Variants in CSMD1 observed in about 807,000 individuals in gnomAD.
CSMD1 encodes the protein CUB and Sushi multiple domains 1.
Under a neutral mutation model 417.5 loss-of-function variants are expected in CSMD1, and 213 were observed. That is an observed-to-expected ratio of 0.51 (90% confidence interval 0.46 to 0.57). The LOEUF (loss-of-function observed/expected upper bound fraction) is 0.57, where lower values mean the gene tolerates loss of function less well. CSMD1 is among the 20% of genes least tolerant of loss of function. The pLI is 0.00. For synonymous variants in CSMD1, 2,862 were observed against 1,736.8 expected, an observed-to-expected ratio of 1.65 and a Z score of -16.11; for missense variants, 6,923 against 4,529.7, an observed-to-expected ratio of 1.53 and a Z score of -15.17.
intron 12 of CSMD1, among the ~76,000 whole-genome samples, chr8:3,449,188 C>G (rs1481772014): frequency 6.6e-6 from 1 of 152,124 alleles, no homozygotes; most frequent in Non-Finnish European, 1.5e-5. Flanking sequence ...GGAATCAGTT[C>G]TTAAATTATT....
chr8:4,586,667 G>C (rs1013417461), intron 2 of CSMD1, among the ~76,000 whole-genome samples: 3 of 151,910 alleles, frequency 2.0e-5, no homozygotes, highest in Middle Eastern at 3.4e-3. Context: ...ATCCCTTTTT[G>C]TTTTATTCAC....
intron 1 of CSMD1, among the ~76,000 whole-genome samples, chr8:4,764,643 T>C (rs1023704826): frequency 2.0e-5 from 3 of 151,420 alleles, no homozygotes; most frequent in Non-Finnish European, 4.4e-5. Context: ...GATAATTCTC[T>C]TTGGTGTTCT....
rs183896525 is a variant in CSMD1, at chr8:4,056,343, A to C, written c.416-24244T>G. ...GGTGATCCACCCGCGTCAGCCTCCCAAAGTGCTGGGATTATAGGCATGAGC... is the reference window on the plus strand; with the variant it reads ...GGTGATCCACCCGCGTCAGCCTCCCCAAGTGCTGGGATTATAGGCATGAGC... On this transcript the variant is annotated intron_variant, in intron 3 of 69. Transcript: ENST00000635120. Among the ~76,000 whole-genome samples, 633 of 151,126 alleles carry C rather than the reference A, an allele frequency of 4.2e-3. 5 individuals are homozygous for C. Among genetic ancestry groups the C allele is most frequent in the African/African-American group, 0.015 (602 of 41,222 alleles).
intron 1 of CSMD1, among the ~76,000 whole-genome samples, chr8:4,718,441 G>T (rs1388642326): frequency 6.6e-6 from 1 of 152,008 alleles, no homozygotes; most frequent in African/African-American, 2.4e-5. Context: ...TCTTAAGCAG[G>T]AATGAAATCT....
chr8:3,102,299 T>C, intron 46 of CSMD1, among the ~76,000 whole-genome samples: 1 of 152,200 alleles, frequency 6.6e-6, no homozygotes, highest in Non-Finnish European at 1.5e-5. Flanking sequence ...TATTTCCTGT[T>C]TGTTTTCAAA....
chr8:4,269,325 C>G (rs927401463), intron 3 of CSMD1, among the ~76,000 whole-genome samples: 1 of 152,150 alleles, frequency 6.6e-6, no homozygotes, highest in Admixed American at 6.6e-5. Context: ...TGGCCTCCCC[C>G]AAAGTGCTGG....
chr8:4,312,827 T>C (rs1263626307), intron 3 of CSMD1, among the ~76,000 whole-genome samples: 3 of 152,076 alleles, frequency 2.0e-5, no homozygotes, highest in African/African-American at 7.2e-5. Context: ...TTAGCTGAGA[T>C]CGCGCCAGGC....
chr8:4,914,523 A>G (rs1805921463), intron 1 of CSMD1, among the ~76,000 whole-genome samples: 1 of 149,940 alleles, frequency 6.7e-6, no homozygotes, highest in Admixed American at 6.7e-5. Context: ...GTTTGCAGTG[A>G]GCTGAGATCG....
At chr8:3,171,426 A>C (rs754306387) in intron 37 of CSMD1, among the ~76,000 whole-genome samples, 1 of 152,158 alleles carries the variant, frequency 6.6e-6, no homozygotes, top group Non-Finnish European at 1.5e-5. Context: ...GACATGTCTA[A>C]AGTCCACTCC....
intron 26 of CSMD1, among the ~76,000 whole-genome samples, chr8:3,264,199 G>C (rs1193657940): frequency 6.6e-6 from 1 of 152,174 alleles, no homozygotes; most frequent in Non-Finnish European, 1.5e-5. Flanking sequence ...TTGAGGTGAG[G>C]AAGTAATTAT....
intron 37 of CSMD1, among the ~76,000 whole-genome samples, chr8:3,168,078 A>C (rs186300368): frequency 5.3e-5 from 8 of 152,232 alleles, no homozygotes; most frequent in African/African-American, 1.7e-4. Flanking sequence ...AGATATTTCA[A>C]ACTAGAGAGC....
At chr8:4,468,183 C>T (rs905520470) in intron 2 of CSMD1, among the ~76,000 whole-genome samples, 13 of 152,244 alleles carry the variant, frequency 8.5e-5, no homozygotes, top group African/African-American at 2.2e-4. Flanking sequence ...GCACTTGTCA[C>T]GCTGTGTAAG....
At chr8:3,397,836 C>T (rs1289660389) in intron 16 of CSMD1, among the ~76,000 whole-genome samples, 1 of 152,140 alleles carries the variant, frequency 6.6e-6, no homozygotes, top group African/African-American at 2.4e-5. Context: ...CTAACACACA[C>T]CGCCTGGCAA....
At chr8:4,854,654 A>G (rs892196991) in intron 1 of CSMD1, among the ~76,000 whole-genome samples, 2 of 152,152 alleles carry the variant, frequency 1.3e-5, no homozygotes, top group Non-Finnish European at 2.9e-5. Context: ...GGGGTGACGG[A>G]CAGCACCTGG....
intron 10 of CSMD1, among the ~76,000 whole-genome samples, chr8:3,530,376 G>T (rs1324043441): frequency 3.9e-5 from 6 of 152,120 alleles, no homozygotes; most frequent in African/African-American, 1.4e-4. Context: ...TTTGTCTCAA[G>T]GAAGTTTCCA....
At chr8:4,119,951 C>CAA (rs66572184) in intron 3 of CSMD1, among the ~76,000 whole-genome samples, 1 of 147,658 alleles carries the variant, frequency 6.8e-6, no homozygotes, top group African/African-American at 2.4e-5. Context: ...TAATAGGTAT[C>CAA]AAAAAAATTA....
At chr8:3,451,146 A>G (rs1368332844) in intron 12 of CSMD1, among the ~76,000 whole-genome samples, 2 of 152,106 alleles carry the variant, frequency 1.3e-5, no homozygotes, top group Non-Finnish European at 2.9e-5. Flanking sequence ...TCCTTCGCCC[A>G]CTTTTTGATG....
chr8:3,703,979 G>C (rs559806050), intron 7 of CSMD1, among the ~76,000 whole-genome samples: 3 of 152,136 alleles, frequency 2.0e-5, no homozygotes, highest in Non-Finnish European at 2.9e-5. Context: ...GCTGAGACAG[G>C]AGAATCACAT....
At chr8:3,688,383 A>G (rs1800055581) in intron 7 of CSMD1, among the ~76,000 whole-genome samples, 1 of 152,236 alleles carries the variant, frequency 6.6e-6, no homozygotes, top group Non-Finnish European at 1.5e-5. Flanking sequence ...GGAGGAATTG[A>G]GAAATAGACA....
Sources: gnomAD v4.1 joint callset for allele counts (sites outside exome capture counted in the v4.1 genomes callset) on GRCh38, gnomAD v4.1.1 for gene constraint, MANE v1.5 for transcripts, NCBI Gene and HGNC (gene_info 2026-07-23, HGNC 2026-07-21) for gene names.